Variants in SVIL observed in about 807,000 individuals in gnomAD.
SVIL encodes archvillin.
In SVIL, 101 loss-of-function variants were observed where a neutral mutation model predicts 240.4. The ratio of observed to expected loss-of-function variants is 0.42; its 90% CI spans 0.36 to 0.50. The LOEUF is 0.50. SVIL is among the 20% of genes least tolerant of loss of function. The pLI, the probability that SVIL is intolerant of heterozygous loss-of-function variation, is 0.01. For synonymous variants in SVIL, 999 were observed against 1,100.0 expected (o/e 0.91, Z 1.82); for missense variants, 2,512 against 2,818.7 (o/e 0.89, Z 2.46).
rs1307510447 is a variant in SVIL at position 29,467,841 on chromosome 10, T to A, written c.5878A>T (p.Lys1960Ter). The change falls in exon 33 of 38, where the codon AAA (lysine) becomes TAA (stop). Residue 1960 changes from lysine to a stop codon, truncating the protein, a stop_gained. Coordinates refer to ENST00000355867, the MANE Select transcript of SVIL (RefSeq NM_021738.3). LOFTEE classifies it high-confidence loss of function. ...PLEAGLHSSS[K>*]VTIHECDEGS... is the part of the protein sequence containing the mutation. ...TCATCACACTCGTGTATTGTGACTT[T>A]GCTGCTACTATGCAGTCCTGCTTCC... is the stretch of plus-strand genomic sequence containing the variant. 6.2e-7 allele frequency: 1 copy of A among 1,614,210 alleles called. No individual in the cohort carries two copies.
intron 6 of SVIL, among the ~76,000 whole-genome samples, 192 bp from the exon 7 acceptor site, chr10:29,536,261 A>G (rs1233353776): frequency 6.6e-6 from 1 of 152,138 alleles, no homozygotes; most frequent in Non-Finnish European, 1.5e-5. Context: ...TTGAGGGAGG[A>G]GAGAGGCAGG....
At chr10:29,604,372 T>A (rs1589368617) in intron 1 of SVIL, among the ~76,000 whole-genome samples, 1 of 136,448 alleles carries the variant, frequency 7.3e-6, no homozygotes, top group South Asian at 2.5e-4. Flanking sequence ...GCTTTTTTTT[T>A]TTTTTTTTTT....
rs556631474 is a variant in SVIL, at chr10:29,514,818, C to T, written c.3390-1957G>A. 1.7e-3 allele frequency among the ~76,000 whole-genome samples: 260 copies of T among 152,288 alleles called. 13 individuals carry two copies. In the South Asian group the frequency reaches 0.052, roughly 30 times the overall value. On this transcript the variant is annotated intron_variant, in intron 16 of 37. Coordinates refer to ENST00000355867, the MANE Select transcript of SVIL (RefSeq NM_021738.3). ...CTAAGGGTCCTTCTTCCAAGCTTCC[C>T]GATTCCCATTAAATATTTGTTTTGG... is the stretch of plus-strand genomic sequence containing the variant.
In SVIL at chr10:29,626,255, G is replaced by A. The variant is rs181216983; in HGVS notation, c.-201+8165C>T. ...CACATAACTATGTGAAACCATGGTAGGTATTTTACATTTTGTTATTAACCT... is the reference window on the plus strand; with the variant it reads ...CACATAACTATGTGAAACCATGGTAAGTATTTTACATTTTGTTATTAACCT... On this transcript the variant is annotated intron_variant, in intron 1 of 37. Transcript: ENST00000355867. Among the ~76,000 whole-genome samples the A allele has an allele frequency of 2.9e-3, 445 of 152,286 alleles. 5 individuals are homozygous for A. Among genetic ancestry groups the A allele is most frequent in the African/African-American group, 0.01 (428 of 41,558 alleles).
chr10:29,702,422 C>T (rs950377982), intron 1 of SVIL, among the ~76,000 whole-genome samples: 3 of 152,090 alleles, frequency 2.0e-5, no homozygotes, highest in Non-Finnish European at 4.4e-5. Context: ...CTGGGTTCTG[C>T]GTGAGATTAA....
chr10:29,679,891 A>G lies in SVIL; in HGVS notation c.-301+6662T>C, dbSNP rs538395720. The stretch of plus-strand genomic sequence containing the variant: ...CCCTGAATCTAAAATTAGAAAAAAA[A>G]AAAAGTCCAGGTCAGGCTCAGTGGC... On this transcript the variant is annotated intron_variant, in intron 2 of 35. Coordinates refer to the SVIL transcript ENST00000375400. Among the ~76,000 whole-genome samples the G allele has an allele frequency of 1.2e-3, 181 of 152,106 alleles. 1 individual carries two copies. Among genetic ancestry groups the G allele is most frequent in the African/African-American group, 4.1e-3 (172 of 41,462 alleles).
At chr10:29,458,948 G>A (rs1164612267) in intron 36 of SVIL, among the ~76,000 whole-genome samples, 2 of 150,502 alleles carry the variant, frequency 1.3e-5, no homozygotes, top group African/African-American at 2.4e-5. Context: ...CTGGGACTAT[G>A]AGTATGCATC....
chr10:29,602,307 G>T (rs759732561), intron 1 of SVIL: 12 of 533,766 alleles, frequency 2.2e-5, no homozygotes, highest in Non-Finnish European at 4.6e-5. Flanking sequence ...GTTCATGAAG[G>T]TGCACTGGGT....
chr10:29,605,776 G>T (rs1431936295), intron 1 of SVIL, among the ~76,000 whole-genome samples: 10 of 149,708 alleles, frequency 6.7e-5, no homozygotes, highest in African/African-American at 2.4e-4. Context: ...ATATGTGTGT[G>T]TTTGTGTAGA....
chr10:29,645,462 C>T (rs1287468034), intron 3 of SVIL, among the ~76,000 whole-genome samples: 2 of 151,900 alleles, frequency 1.3e-5, no homozygotes, highest in Non-Finnish European at 2.9e-5. Context: ...CCAAACTACT[C>T]GGGAGGCTGA....
At chr10:29,654,429 G>A (rs866101087) in intron 3 of SVIL, among the ~76,000 whole-genome samples, 5 of 152,060 alleles carry the variant, frequency 3.3e-5, no homozygotes, top group Admixed American at 3.3e-4. Flanking sequence ...ATAGTATGGT[G>A]AGTTCCTAAA....
At chr10:29,599,727 C>T (rs1427973639) in intron 1 of SVIL, among the ~76,000 whole-genome samples, 6 of 152,116 alleles carry the variant, frequency 3.9e-5, no homozygotes, top group African/African-American at 1.4e-4. Flanking sequence ...TGTCTTAAAA[C>T]TTTGTGCAGT....
chr10:29,664,236 C>A (rs1315624217), intron 2 of SVIL, among the ~76,000 whole-genome samples: 1 of 152,194 alleles, frequency 6.6e-6, no homozygotes, highest in Non-Finnish European at 1.5e-5. Context: ...AAGAATCTCT[C>A]ATACACTTTT....
chr10:29,625,325 T>C (rs1327669214), intron 1 of SVIL, among the ~76,000 whole-genome samples: 1 of 152,238 alleles, frequency 6.6e-6, no homozygotes, highest in Non-Finnish European at 1.5e-5. Flanking sequence ...CTGCTTGATA[T>C]CAACATCAAC....
Position 29,470,323 on chromosome 10 carries a change from G to A in SVIL, c.5796C>T (p.Ala1932=), listed in dbSNP as rs754730863. ...CGGTCCTTCCGACCTCCTTCGTGTG[G>A]GCCTGGGCTTTGCATCCGTGCCACA... ...IYLWHGCKAQ[A]HTKEVGRTAA... Residue 1932 remains alanine (A), a synonymous_variant, in exon 32 of 38, where the codon GCC becomes GCT. Transcript: ENST00000355867. The A allele has an allele frequency of 1.6e-5, 26 of 1,614,054 alleles. No individual in the cohort carries two copies. Among genetic ancestry groups the A allele is most frequent in the Non-Finnish European group, 2.1e-5 (25 of 1,180,036 alleles).
chr10:29,697,061 A>G (rs1268670439), intron 1 of SVIL, among the ~76,000 whole-genome samples: 1 of 116,666 alleles, frequency 8.6e-6, no homozygotes, highest in African/African-American at 3.4e-5. Flanking sequence ...CCGGGAGGTG[A>G]GGGGCGCCTC....
rs552334582 is a variant in SVIL at position 29,488,933 on chromosome 10, G to T, written c.4193-177C>A. On this transcript the variant is annotated intron_variant, in intron 22 of 37. Transcript: ENST00000355867. ...ATTCAATGCTTAACCACTGTGTTAA[G>T]AATTAAGTACAGCATTGAAAATATA... 2.6e-5 allele frequency among the ~76,000 whole-genome samples: 4 copies of T among 152,350 alleles called. No homozygotes were observed. In the East Asian group the frequency reaches 7.7e-4, roughly 29 times the overall value.
chr10:29,563,618 T>C (rs899352802), intron 2 of SVIL, among the ~76,000 whole-genome samples: 2 of 152,166 alleles, frequency 1.3e-5, no homozygotes, highest in African/African-American at 4.8e-5. Context: ...CTGTGCAAGC[T>C]TGCATTAATT....
chr10:29,567,589 T>C (rs1209731713), intron 2 of SVIL, among the ~76,000 whole-genome samples: 2 of 152,236 alleles, frequency 1.3e-5, no homozygotes, highest in Non-Finnish European at 2.9e-5. Flanking sequence ...TTTGAGTCTC[T>C]GTCCACTGAC....
Sources: gnomAD v4.1 joint callset for allele counts (sites outside exome capture counted in the v4.1 genomes callset) on GRCh38, gnomAD v4.1.1 for gene constraint, MANE v1.5 for transcripts, NCBI Gene and HGNC (gene_info 2026-07-23, HGNC 2026-07-21) for gene names.